Variants in ST6GALNAC3 observed in about 807,000 individuals in gnomAD.
ST6GALNAC3 encodes ST6 N-acetylgalactosaminide alpha-2,6-sialyltransferase 3.
Under a neutral mutation model 32.7 loss-of-function variants are expected in ST6GALNAC3, and 25 were observed. That is an observed-to-expected ratio of 0.76 (90% CI 0.56 to 1.07). The LOEUF is 1.07. Among genes scored for constraint, ST6GALNAC3 ranks in the 50% least tolerant of loss-of-function variants. ST6GALNAC3 has a pLI of 0.00. For missense variants in ST6GALNAC3, 355 were observed against 382.4 expected, an observed-to-expected ratio of 0.93 and a Z score of 0.60; for synonymous variants, 129 against 133.1, an observed-to-expected ratio of 0.97 and a Z score of 0.21.
At chr1:76,314,984 T>A (rs754533500) in intron 2 of ST6GALNAC3, among the ~76,000 whole-genome samples, 9 of 152,130 alleles carry the variant, frequency 5.9e-5, no homozygotes, top group Admixed American at 2.0e-4. Flanking sequence ...CCTTTTGTAG[T>A]CAATCTCATA....
chr1:76,629,465 A>G lies in ST6GALNAC3; in HGVS notation c.*659A>G, dbSNP rs1649181703. 2.0e-6 allele frequency: 2 copies of G among 985,580 alleles called. No individual in the cohort carries two copies. Among genetic ancestry groups the G allele is most frequent in the African/African-American group, 1.7e-5 (1 of 57,196 alleles). The allele number at this position is 985,580 out of a possible 1,614,324, so 61.1% of individuals were successfully genotyped here. ...TCAAACACATAAATCAAAATGGGCC[A>G]AGTAGCAAATCTTGATGAATTTCCA... On this transcript the variant is annotated 3_prime_UTR_variant, in exon 5 of 5. Transcript: ENST00000328299.
At chr1:76,530,027 T>C (rs898960652) in intron 3 of ST6GALNAC3, among the ~76,000 whole-genome samples, 3 of 152,206 alleles carry the variant, frequency 2.0e-5, no homozygotes, top group African/African-American at 7.2e-5. Context: ...AAATAAGATG[T>C]GTAGTTACTT....
chr1:76,479,747 T>G (rs1160816265), intron 3 of ST6GALNAC3, among the ~76,000 whole-genome samples: 1 of 152,142 alleles, frequency 6.6e-6, no homozygotes, highest in Non-Finnish European at 1.5e-5. Flanking sequence ...GGATTAAGTT[T>G]CCAACAGATG....
At chr1:76,486,930 A>G (rs1660160117) in intron 3 of ST6GALNAC3, among the ~76,000 whole-genome samples, 1 of 152,164 alleles carries the variant, frequency 6.6e-6, no homozygotes, top group South Asian at 2.1e-4. Flanking sequence ...GGTGGTGACA[A>G]AATCTCTCAG....
intron 1 of ST6GALNAC3, among the ~76,000 whole-genome samples, chr1:76,294,763 G>A (rs1204485530): frequency 6.6e-6 from 1 of 152,032 alleles, no homozygotes; most frequent in Non-Finnish European, 1.5e-5. Flanking sequence ...ATGGGTATGT[G>A]GTAGCATGTT....
At chr1:76,252,385 G>A (rs76978978) in intron 1 of ST6GALNAC3, among the ~76,000 whole-genome samples, 116 of 152,264 alleles carry the variant, frequency 7.6e-4, no homozygotes, top group Non-Finnish European at 1.4e-3. Context: ...ATAGGATAAT[G>A]CTTATGTTGT....
At chr1:76,315,807 A>C (rs1372456321) in intron 2 of ST6GALNAC3, among the ~76,000 whole-genome samples, 2 of 152,158 alleles carry the variant, frequency 1.3e-5, no homozygotes, top group African/African-American at 4.8e-5. Flanking sequence ...AGGATAAAAT[A>C]AGTCGAAGTA....
chr1:76,219,994 A>G (rs922281439), intron 1 of ST6GALNAC3, among the ~76,000 whole-genome samples: 1 of 152,136 alleles, frequency 6.6e-6, no homozygotes, highest in Non-Finnish European at 1.5e-5. Flanking sequence ...AATGAGAAGG[A>G]GGCTTATTAT....
chr1:76,471,378 T>G (rs138112540), intron 3 of ST6GALNAC3, among the ~76,000 whole-genome samples: 10 of 152,300 alleles, frequency 6.6e-5, no homozygotes, highest in Non-Finnish European at 1.2e-4. Flanking sequence ...TACTATGTTC[T>G]TATTGTTTTT....
At position 76,630,761 on chromosome 1, in the gene ST6GALNAC3, G is replaced by T. The variant is rs1457058858; in HGVS notation, c.*1955G>T. ...AGCCCCAGTTCTATCGTTGGAAGGA[G>T]TTGTTATTCTTTTGTTGTTCCCTTA... On this transcript the variant is annotated 3_prime_UTR_variant, in exon 5 of 5. Coordinates refer to ENST00000328299, the MANE Select transcript of ST6GALNAC3 (RefSeq NM_152996.4). 2 of 985,522 alleles carry T rather than the reference G, an allele frequency of 2.0e-6. No homozygotes were observed. The highest frequency in any genetic ancestry group is 2.4e-6 in the Non-Finnish European group (2 of 829,852). 61.0% of individuals were successfully genotyped at this position (985,522 alleles called of 1,614,324 possible).
chr1:76,380,944 C>T (rs932603026), intron 2 of ST6GALNAC3, among the ~76,000 whole-genome samples: 1 of 152,004 alleles, frequency 6.6e-6, no homozygotes, highest in Non-Finnish European at 1.5e-5. Context: ...TTAAGAGATG[C>T]AGTGTCCAGA....
chr1:76,345,310 A>G (rs1290820975), intron 2 of ST6GALNAC3, among the ~76,000 whole-genome samples: 1 of 152,184 alleles, frequency 6.6e-6, no homozygotes, highest in Non-Finnish European at 1.5e-5. Context: ...GAACAATGGA[A>G]TAGTAAGGAA....
chr1:76,167,020 C>T (rs1011426349), intron 1 of ST6GALNAC3, among the ~76,000 whole-genome samples: 2 of 151,992 alleles, frequency 1.3e-5, no homozygotes, highest in Non-Finnish European at 2.9e-5. Flanking sequence ...ATTGATCTGG[C>T]CAGGACCCAA....
chr1:76,486,288 T>C (rs1660108257), intron 3 of ST6GALNAC3, among the ~76,000 whole-genome samples: 1 of 152,114 alleles, frequency 6.6e-6, no homozygotes, highest in African/African-American at 2.4e-5. Flanking sequence ...TTGTTAACCT[T>C]CTGTCTCATT....
At chr1:76,545,073 A>G (rs1438590977) in intron 3 of ST6GALNAC3, among the ~76,000 whole-genome samples, 1 of 152,190 alleles carries the variant, frequency 6.6e-6, no homozygotes, top group African/African-American at 2.4e-5. Context: ...CGTTTCTGCA[A>G]CTGCCTTAGG....
chr1:76,152,561 G>T (rs1027178469), intron 1 of ST6GALNAC3, among the ~76,000 whole-genome samples: 3 of 152,224 alleles, frequency 2.0e-5, no homozygotes, highest in Admixed American at 2.0e-4. Flanking sequence ...TCATAGTGAA[G>T]CATCTGAGCT....
At chr1:76,611,220 CAATAT>C (rs1451452301) in intron 3 of ST6GALNAC3, among the ~76,000 whole-genome samples, 1 of 151,376 alleles carries the variant, frequency 6.6e-6, no homozygotes, top group Non-Finnish European at 1.5e-5. Flanking sequence ...TCAGATACTT[CAATAT>C]ATTAAATTTT....
At chr1:76,614,107 G>T (rs1648119559) in intron 3 of ST6GALNAC3, among the ~76,000 whole-genome samples, 1 of 152,186 alleles carries the variant, frequency 6.6e-6, no homozygotes, top group African/African-American at 2.4e-5. Flanking sequence ...AACTAATTTG[G>T]ACAAATTGAG....
chr1:76,126,876 C>T (rs1336081819), intron 1 of ST6GALNAC3, among the ~76,000 whole-genome samples: 1 of 152,214 alleles, frequency 6.6e-6, no homozygotes, highest in African/African-American at 2.4e-5. Flanking sequence ...AGAGTCTAAA[C>T]ACCTCCCACC....
Sources: gnomAD v4.1 joint callset for allele counts (sites outside exome capture counted in the v4.1 genomes callset) on GRCh38, gnomAD v4.1.1 for gene constraint, MANE v1.5 for transcripts, NCBI Gene and HGNC (gene_info 2026-07-23, HGNC 2026-07-21) for gene names.